The following DKK2 variants were observed in gnomAD, a reference collection of about 807,000 sequenced individuals.
DKK2 encodes the protein dickkopf-related protein 2.
Under a neutral mutation model 28.1 loss-of-function variants are expected in DKK2, and 11 were observed. The ratio of observed to expected loss-of-function variants is 0.39; its 90% CI spans 0.25 to 0.65. The LOEUF is 0.65. DKK2 is among the 30% of genes least tolerant of loss of function. The pLI is 0.47. For synonymous variants in DKK2, 135 were observed against 126.5 expected, an observed-to-expected ratio of 1.07 and a Z score of -0.45; for missense variants, 326 against 335.5, an observed-to-expected ratio of 0.97 and a Z score of 0.22.
intron 1 of DKK2, among the ~76,000 whole-genome samples, chr4:107,000,482 TC>T (rs1332441004): frequency 2.6e-5 from 4 of 152,194 alleles, no homozygotes; most frequent in Admixed American, 2.0e-4. Context: ...AGGTTTCTAC[TC>T]AAAAGGCAAA....
intron 1 of DKK2, among the ~76,000 whole-genome samples, chr4:106,945,813 G>A (rs765638074): frequency 2.6e-5 from 4 of 152,226 alleles, no homozygotes; most frequent in East Asian, 1.9e-4. Context: ...CACAAAAATT[G>A]TCTGGGAATT....
chr4:107,024,303 T>C (rs1329426614), intron 1 of DKK2, among the ~76,000 whole-genome samples: 1 of 152,162 alleles, frequency 6.6e-6, no homozygotes, highest in African/African-American at 2.4e-5. Context: ...AGGGCTCTTC[T>C]TGAATAGACA....
chr4:107,017,250 G>C (rs960099530), intron 1 of DKK2, among the ~76,000 whole-genome samples: 6 of 151,862 alleles, frequency 4.0e-5, no homozygotes, highest in African/African-American at 1.5e-4. Context: ...TCAATATATG[G>C]TTCATTTTAG....
intron 1 of DKK2, among the ~76,000 whole-genome samples, chr4:107,031,039 A>G (rs796101702): frequency 1.3e-5 from 2 of 152,116 alleles, no homozygotes; most frequent in African/African-American, 4.8e-5. Flanking sequence ...AAAATGATGG[A>G]TGTTCATATT....
intron 1 of DKK2, among the ~76,000 whole-genome samples, chr4:106,962,070 G>A (rs902270230): frequency 2.2e-4 from 34 of 152,088 alleles, no homozygotes; most frequent in Non-Finnish European, 4.7e-4. Context: ...ACTGGACTGG[G>A]AAAACAGGAC....
In DKK2 at chr4:106,924,211, AGAT is replaced by A. The variant is rs781742397; in HGVS notation, c.530-10_530-8del. 1.2e-6 allele frequency: 2 copies of A among 1,613,790 alleles called. No individual in the cohort carries two copies. The highest frequency in any genetic ancestry group is 2.7e-5 in the African/African-American group (2 of 75,024). ...CAGGGGTCTCCTTCATGCCCTGCAG[AGAT>A]GATGACCAATAGATGTTACCCTGAC... On this transcript the variant is annotated splice_polypyrimidine_tract_variant and splice_region_variant and intron_variant, in intron 3 of 3. Transcript: ENST00000285311.
chr4:106,966,870 C>T (rs1722788421), intron 1 of DKK2, among the ~76,000 whole-genome samples: 1 of 152,074 alleles, frequency 6.6e-6, no homozygotes, highest in Non-Finnish European at 1.5e-5. Flanking sequence ...AATTCAATCA[C>T]CTCCCCCCTG....
At chr4:107,030,148 T>C (rs1279054277) in intron 1 of DKK2, among the ~76,000 whole-genome samples, 1 of 152,048 alleles carries the variant, frequency 6.6e-6, no homozygotes, top group Non-Finnish European at 1.5e-5. Flanking sequence ...TGCTTTAAAG[T>C]TTTCTTTGAT....
intron 1 of DKK2, among the ~76,000 whole-genome samples, chr4:106,974,473 A>C (rs2110355459): frequency 6.6e-6 from 1 of 152,216 alleles, no homozygotes; most frequent in East Asian, 1.9e-4. Context: ...TGTAAGTTGT[A>C]TTCCTAGGTA....
chr4:106,981,676 A>C (rs1165430415), intron 1 of DKK2, among the ~76,000 whole-genome samples: 1 of 152,072 alleles, frequency 6.6e-6, no homozygotes. Flanking sequence ...GACTTTGCCT[A>C]TTTGAAATCC....
At chr4:106,985,774 C>T (rs1238150495) in intron 1 of DKK2, among the ~76,000 whole-genome samples, 1 of 148,138 alleles carries the variant, frequency 6.8e-6, no homozygotes, top group Non-Finnish European at 1.5e-5. Flanking sequence ...ACAGATTGCA[C>T]CATTGTTCTC....
chr4:106,935,643 AGGCTCCACCTCTGTG>A (rs1435861614), intron 1 of DKK2, among the ~76,000 whole-genome samples: 1 of 152,246 alleles, frequency 6.6e-6, no homozygotes, highest in Non-Finnish European at 1.5e-5. Context: ...CTGCTTCTGT[AGGCTCCACCTCTGTG>A]GGCAGGGCAC....
chr4:106,941,669 TGA>T (rs1231852873), intron 1 of DKK2, among the ~76,000 whole-genome samples: 2 of 152,132 alleles, frequency 1.3e-5, no homozygotes, highest in Admixed American at 6.6e-5. Context: ...AAACTATGTT[TGA>T]GAGAGTTTGG....
At chr4:107,001,090 G>T (rs1723353364) in intron 1 of DKK2, among the ~76,000 whole-genome samples, 1 of 151,922 alleles carries the variant, frequency 6.6e-6, no homozygotes, top group East Asian at 1.9e-4. Context: ...CCAAAAGGGG[G>T]AAAAAACTCT....
chr4:106,981,241 T>C (rs1723023748), intron 1 of DKK2, among the ~76,000 whole-genome samples: 1 of 152,126 alleles, frequency 6.6e-6, no homozygotes, highest in South Asian at 2.1e-4. Context: ...AAGAAATTAA[T>C]GATAAAAATA....
At chr4:107,019,145 G>GA (rs1723654700) in intron 1 of DKK2, among the ~76,000 whole-genome samples, 1 of 151,906 alleles carries the variant, frequency 6.6e-6, no homozygotes, top group Admixed American at 6.6e-5. Flanking sequence ...GCTGTATAGA[G>GA]ATGTTAACCT....
intron 1 of DKK2, among the ~76,000 whole-genome samples, chr4:107,013,488 C>T (rs1413488423): frequency 5.3e-5 from 8 of 151,300 alleles, no homozygotes; most frequent in South Asian, 2.1e-4. Flanking sequence ...TGGATATACA[C>T]GTGTAAAAGA....
intron 1 of DKK2, among the ~76,000 whole-genome samples, chr4:106,976,933 G>A (rs952413686): frequency 7.9e-5 from 12 of 152,070 alleles, no homozygotes; most frequent in Non-Finnish European, 1.2e-4. Flanking sequence ...AGGCAGGCCC[G>A]ATGGTGACAA....
At chr4:106,956,197 G>A (rs1425542612) in intron 1 of DKK2, among the ~76,000 whole-genome samples, 1 of 152,066 alleles carries the variant, frequency 6.6e-6, no homozygotes, top group African/African-American at 2.4e-5. Flanking sequence ...AACTTACAAG[G>A]GACGTGAAGG....
Sources: gnomAD v4.1 joint callset for allele counts (sites outside exome capture counted in the v4.1 genomes callset) on GRCh38, gnomAD v4.1.1 for gene constraint, MANE v1.5 for transcripts, NCBI Gene and HGNC (gene_info 2026-07-23, HGNC 2026-07-21) for gene names.